Variants in MCOLN2 observed in about 807,000 individuals in gnomAD.
MCOLN2 encodes mucolipin-2.
MCOLN2 carries 57 observed loss-of-function variants against 67.5 expected under a neutral mutation model. That is an observed-to-expected ratio of 0.84 (90% CI 0.68 to 1.05). MCOLN2 has a LOEUF of 1.05. MCOLN2 is among the 50% of genes least tolerant of loss of function. The pLI is 0.00. For synonymous variants in MCOLN2, 246 were observed against 233.3 expected (o/e 1.05, Z -0.50); for missense variants, 620 against 678.8 (o/e 0.91, Z 0.96).
At chr1:84,929,876 C>T (rs1661323134) in intron 12 of MCOLN2, 197 bp from the exon 13 acceptor site, 2 of 366,442 alleles carry the variant, frequency 5.5e-6, no homozygotes, top group Non-Finnish European at 9.6e-6. Context: ...GAACAGAGAA[C>T]AATCCAAAGA....
chr1:84,975,732 T>C (rs1006106702), intron 1 of MCOLN2, among the ~76,000 whole-genome samples: 1 of 152,190 alleles, frequency 6.6e-6, no homozygotes, highest in Non-Finnish European at 1.5e-5. Flanking sequence ...AGGTGACCTT[T>C]CAGACAGATA....
chr1:84,987,685 G>GTATATATAAATATACATAC (rs1650688203), intron 1 of MCOLN2, among the ~76,000 whole-genome samples: 1 of 106,356 alleles, frequency 9.4e-6, no homozygotes, highest in African/African-American at 3.4e-5. Context: ...TAGATATATA[G>GTATATATAAATATACATAC]ATGTATAGAT....
intron 13 of MCOLN2, among the ~76,000 whole-genome samples, chr1:84,928,480 C>G (rs1017653978): frequency 2.6e-5 from 4 of 152,174 alleles, no homozygotes; most frequent in Non-Finnish European, 5.9e-5. Flanking sequence ...TGGCACAAAC[C>G]AAGGTCCAAA....
chr1:84,965,491 GA>G, intron 2 of MCOLN2, 57 bp downstream of exon 2: 1 of 1,562,358 alleles, frequency 6.4e-7, no homozygotes, highest in Non-Finnish European at 8.7e-7. Flanking sequence ...CAGAACACAT[GA>G]AAAGAGTTTT....
In MCOLN2 at chr1:84,938,039, G is replaced by A; in HGVS notation, c.1154C>T (p.Ser385Phe). The stretch of plus-strand genomic sequence containing the variant: ...GACTCCAACCCAAACCAAGAGCGTA[G>A]AGGTTCCAAGAAAAATGCTGCAGAG... ...YDLCSIFLGT[S>F]TLLVWVGVIR... Residue 385 changes from serine (S) to phenylalanine (F), a missense_variant, in exon 10 of 14, where the codon TCT (serine) becomes TTT (phenylalanine). Coordinates refer to ENST00000370608, the MANE Select transcript of MCOLN2 (RefSeq NM_153259.4). 1 of 1,613,962 alleles carries A rather than the reference G, an allele frequency of 6.2e-7. No individual in the cohort carries two copies. The highest frequency in any genetic ancestry group is 8.5e-7 in the Non-Finnish European group (1 of 1,179,954).
intron 1 of MCOLN2, among the ~76,000 whole-genome samples, chr1:84,975,810 CAG>C (rs1649965453): frequency 6.6e-6 from 1 of 152,000 alleles, no homozygotes; most frequent in Non-Finnish European, 1.5e-5. Flanking sequence ...AAAATTCTAT[CAG>C]ATAAATTTAA....
intron 1 of MCOLN2, among the ~76,000 whole-genome samples, chr1:84,966,018 C>T (rs938526762): frequency 3.9e-5 from 6 of 152,000 alleles, no homozygotes; most frequent in Non-Finnish European, 7.4e-5. Flanking sequence ...TTTGGGAGAC[C>T]GAGGCGGGTG....
chr1:84,956,707 T>C, intron 3 of MCOLN2, 123 bp from the exon 4 acceptor site: 1 of 762,954 alleles, frequency 1.3e-6, no homozygotes, highest in South Asian at 2.1e-5. Context: ...TCAATAGAAC[T>C]TCCCAATTTA....
chr1:84,938,204 GTTT>G, intron 9 of MCOLN2, 122 bp from the exon 10 acceptor site: 1 of 465,946 alleles, frequency 2.1e-6, no homozygotes, highest in Non-Finnish European at 3.7e-6. Flanking sequence ...AGGTGATAGA[GTTT>G]TTTTTTGAAG....
At chr1:84,956,163 A>C (rs956725285) in intron 4 of MCOLN2, among the ~76,000 whole-genome samples, 2 of 151,684 alleles carry the variant, frequency 1.3e-5, no homozygotes, top group African/African-American at 2.4e-5. Flanking sequence ...GGAAAAAAAA[A>C]CAAAAAACAG....
chr1:84,974,340 C>T (rs2083284), intron 1 of MCOLN2, among the ~76,000 whole-genome samples: 19,905 of 151,642 alleles, frequency 0.13, 1,624 homozygotes, highest in East Asian at 0.26. Flanking sequence ...TCACCTCTCC[C>T]CTAACCCCAG....
At chr1:84,949,359 C>T (rs551286861) in intron 6 of MCOLN2, among the ~76,000 whole-genome samples, 18 of 152,282 alleles carry the variant, frequency 1.2e-4, no homozygotes, top group African/African-American at 3.6e-4. Context: ...TGCAAATAGG[C>T]CGGGCGCGGT....
chr1:84,942,773 T>C (rs1203423599), intron 7 of MCOLN2, among the ~76,000 whole-genome samples: 1 of 152,102 alleles, frequency 6.6e-6, no homozygotes, highest in African/African-American at 2.4e-5. Context: ...AATCCACTCA[T>C]AGATTTATGG....
chr1:84,926,590 G>A lies in MCOLN2; in HGVS notation c.*95C>T, dbSNP rs1415024433. Reference sequence around the variant, plus strand: ...TTTCCCACTCCACAATTAAATAAGAGAGTCATTTTGGAACTGCTTGTCCAA... The same window carrying A: ...TTTCCCACTCCACAATTAAATAAGAAAGTCATTTTGGAACTGCTTGTCCAA... On this transcript the variant is annotated 3_prime_UTR_variant, in exon 14 of 14. Coordinates refer to ENST00000370608, the MANE Select transcript of MCOLN2 (RefSeq NM_153259.4). 9.7e-6 allele frequency: 8 copies of A among 821,844 alleles called. No homozygotes were observed. The highest frequency in any genetic ancestry group is 2.7e-5 in the East Asian group (1 of 36,800). The allele number at this position is 821,844 out of a possible 1,614,324, so 50.9% of individuals were successfully genotyped here. A position where few individuals can be genotyped will look rare whatever the true frequency, so the allele number is the denominator to read the frequency against.
At chr1:84,969,570 CAAAAAAAAA>C in intron 1 of MCOLN2, among the ~76,000 whole-genome samples, 1 of 80,714 alleles carries the variant, frequency 1.2e-5, no homozygotes, top group South Asian at 5.0e-4. Flanking sequence ...GACTCTGCCT[CAAAAAAAAA>C]AAAAAAAAAG....
At chr1:84,983,066 T>C (rs967195685) in intron 1 of MCOLN2, among the ~76,000 whole-genome samples, 3 of 151,754 alleles carry the variant, frequency 2.0e-5, no homozygotes, top group African/African-American at 7.3e-5. Flanking sequence ...TCTCAGGGGA[T>C]GGGGCAGGGT....
intron 12 of MCOLN2, among the ~76,000 whole-genome samples, chr1:84,930,752 C>T (rs1413701582): frequency 6.6e-6 from 1 of 152,162 alleles, no homozygotes; most frequent in African/African-American, 2.4e-5. Context: ...CAGTCACTGA[C>T]CCTGAAGCAG....
chr1:84,961,351 AG>A (rs765988261), intron 2 of MCOLN2, among the ~76,000 whole-genome samples: 50 of 152,308 alleles, frequency 3.3e-4, no homozygotes, highest in Middle Eastern at 3.4e-3. Context: ...AATGTAAACT[AG>A]GGAATGAAAA....
chr1:84,993,515 G>A (rs7516610), intron 1 of MCOLN2, among the ~76,000 whole-genome samples: 62,353 of 151,674 alleles, frequency 0.41, 13,724 homozygotes, highest in East Asian at 0.63. Flanking sequence ...TGGCATCCAT[G>A]ATGATGAATC....
Sources: gnomAD v4.1 joint callset for allele counts (sites outside exome capture counted in the v4.1 genomes callset) on GRCh38, gnomAD v4.1.1 for gene constraint, MANE v1.5 for transcripts, NCBI Gene and HGNC (gene_info 2026-07-23, HGNC 2026-07-21) for gene names.